The following TLE1 variants were observed in gnomAD, a reference collection of about 807,000 sequenced individuals.
The protein encoded by TLE1 is transducin-like enhancer protein 1.
TLE1 carries 21 observed loss-of-function variants against 89.8 expected under a neutral mutation model. The observed-to-expected ratio is 0.23, with a 90% CI of 0.17 to 0.34. The LOEUF (loss-of-function observed/expected upper bound fraction) is 0.34. TLE1 is among the 10% of genes least tolerant of loss of function. The probability of loss-of-function intolerance (pLI) is 1.00; values close to 1 mark genes in which losing one functional copy is unlikely to be tolerated. For missense variants in TLE1, 795 were observed against 1,031.2 expected (o/e 0.77, Z 3.14); for synonymous variants, 447 against 407.6 (o/e 1.10, Z -1.16).
chr9:81,617,385 T>C (rs920041499), intron 9 of TLE1, among the ~76,000 whole-genome samples: 1 of 152,204 alleles, frequency 6.6e-6, no homozygotes, highest in Non-Finnish European at 1.5e-5. Context: ...AAGGTAGCAC[T>C]GGGTTTGGAA....
rs74536663 is a variant in TLE1 at position 81,632,180 on chromosome 9, C to G, written c.594+1168G>C. 9.6e-3 allele frequency among the ~76,000 whole-genome samples: 1,464 copies of G among 152,212 alleles called. 25 individuals are homozygous for G. Among genetic ancestry groups the G allele is most frequent in the African/African-American group, 0.034 (1,394 of 41,532 alleles). On this transcript the variant is annotated intron_variant, in intron 8 of 19. Coordinates refer to ENST00000376499, the MANE Select transcript of TLE1 (RefSeq NM_005077.5). The stretch of plus-strand genomic sequence containing the variant: ...TAAAGCCAGTTTACTTATCTGTACT[C>G]TGTGTGTAGAATATTTTATTTCCCA...
intron 14 of TLE1, among the ~76,000 whole-genome samples, chr9:81,599,544 G>A (rs1830646246): frequency 6.6e-6 from 1 of 152,122 alleles, no homozygotes; most frequent in Non-Finnish European, 1.5e-5. Context: ...AACTAATAAA[G>A]GCGGTGGCTG....
At chr9:81,626,338 T>G (rs1466087852) in intron 8 of TLE1, among the ~76,000 whole-genome samples, 4 of 151,988 alleles carry the variant, frequency 2.6e-5, no homozygotes, top group African/African-American at 9.7e-5. Flanking sequence ...AACAATTAGG[T>G]AACGACGCAC....
chr9:81,586,634 G>T (rs547866939), intron 17 of TLE1, among the ~76,000 whole-genome samples: 5 of 152,304 alleles, frequency 3.3e-5, no homozygotes, highest in African/African-American at 1.2e-4. Flanking sequence ...AAATAATCCA[G>T]TGTCTGGGGG....
intron 6 of TLE1, among the ~76,000 whole-genome samples, chr9:81,650,126 C>A (rs1829362534): frequency 6.6e-6 from 1 of 152,166 alleles, no homozygotes. Context: ...ATAATAACCT[C>A]CACAACATTT....
At position 81,644,192 on chromosome 9, in the gene TLE1, A is replaced by G. The variant is rs75189294; in HGVS notation, c.372+8022T>C. Reference sequence around the variant, plus strand: ...TGGAAAACAGTCTGGCTGTTGCTCAAAAAGTTACCATAGACCCAGTGATTC... The same window carrying G: ...TGGAAAACAGTCTGGCTGTTGCTCAGAAAGTTACCATAGACCCAGTGATTC... On this transcript the variant is annotated intron_variant, in intron 6 of 19. Coordinates refer to ENST00000376499, the MANE Select transcript of TLE1 (RefSeq NM_005077.5). 2.6e-3 allele frequency among the ~76,000 whole-genome samples: 390 copies of G among 152,308 alleles called. 3 individuals carry two copies. The highest frequency in any genetic ancestry group is 8.9e-3 in the African/African-American group (368 of 41,564).
chr9:81,634,297 T>C lies in TLE1; in HGVS notation c.377A>G (p.Gln126Arg). The C allele has an allele frequency of 6.6e-7, 1 of 1,520,788 alleles. No individual in the cohort carries two copies. The highest frequency in any genetic ancestry group is 8.9e-7 in the Non-Finnish European group (1 of 1,123,992). The allele number at this position is 1,520,788 out of a possible 1,614,324, so 94.2% of individuals were successfully genotyped here. ...MAELNAIIGQ[Q>R]QLQAQHLSHG... ...AGAAAGATGCTGAGCTTGCAACTGC[T>C]GCTGCTGTTGGTGGTGGTGGTGAGA... The change falls in exon 7 of 20, where the codon CAG becomes CGG. Residue 126 changes from glutamine to arginine, a missense_variant. By Grantham distance (43) the Gln-to-Arg change is conservative. Transcript: ENST00000376499.
chr9:81,617,502 G>C (rs1210268776), intron 9 of TLE1, among the ~76,000 whole-genome samples: 1 of 151,888 alleles, frequency 6.6e-6, no homozygotes, highest in African/African-American at 2.4e-5. Flanking sequence ...AGGAGTTCAA[G>C]ACCAGCCTGG....
At chr9:81,674,436 T>C (rs1282227146) in intron 4 of TLE1, among the ~76,000 whole-genome samples, 3 of 152,152 alleles carry the variant, frequency 2.0e-5, no homozygotes, top group African/African-American at 4.8e-5. Flanking sequence ...TTCCACACAC[T>C]GGGGTCCTCA....
chr9:81,672,935 T>C (rs1588210773), intron 4 of TLE1, among the ~76,000 whole-genome samples: 1 of 152,184 alleles, frequency 6.6e-6, no homozygotes, highest in East Asian at 1.9e-4. Flanking sequence ...CAAGGACACA[T>C]TCTGCTGTTT....
chr9:81,590,027 C>T (rs946921068), intron 16 of TLE1, among the ~76,000 whole-genome samples: 1 of 152,110 alleles, frequency 6.6e-6, no homozygotes, highest in Non-Finnish European at 1.5e-5. Flanking sequence ...ACTTACCAAA[C>T]AAGCCACAGA....
chr9:81,639,588 G>GTTT (rs374444332), intron 6 of TLE1, among the ~76,000 whole-genome samples: 5 of 123,448 alleles, frequency 4.1e-5, no homozygotes, highest in African/African-American at 6.0e-5. Context: ...TTTTTTTTTT[G>GTTT]TTTTTTTTTT....
Position 81,585,507 on chromosome 9 carries a change from C to G in TLE1, c.2126G>C (p.Cys709Ser). 1 of 1,613,200 alleles carries G rather than the reference C, an allele frequency of 6.2e-7. No individual in the cohort carries two copies. The highest frequency in any genetic ancestry group is 8.5e-7 in the Non-Finnish European group (1 of 1,179,672). ...SCVLSLKFAY[C>S]GKWFVSTGKD... ...AGTTTCCTTTCGGCTGAACTCACCA[C>G]AGTAAGCAAATTTCAGGGACAGCAC... The change falls in exon 18 of 20, where the codon TGT becomes TCT. Residue 709 changes from cysteine to serine, a missense_variant and splice_region_variant. Cys to Ser is a moderately radical substitution (Grantham distance 112). Transcript: ENST00000376499.
intron 14 of TLE1, among the ~76,000 whole-genome samples, chr9:81,594,524 C>A (rs1829960485): frequency 6.6e-6 from 1 of 150,842 alleles, no homozygotes; most frequent in African/African-American, 2.4e-5. Context: ...GCCTAGGCGA[C>A]AAGAGCAAGA....
chr9:81,660,815 G>A (rs1248386200), intron 4 of TLE1, among the ~76,000 whole-genome samples: 2 of 151,290 alleles, frequency 1.3e-5, no homozygotes, highest in Non-Finnish European at 2.9e-5. Flanking sequence ...TTCAAGATAT[G>A]GCCGGGCGTG....
intron 8 of TLE1, among the ~76,000 whole-genome samples, chr9:81,628,434 T>C (rs1008113002): frequency 6.6e-6 from 1 of 151,506 alleles, no homozygotes; most frequent in African/African-American, 2.4e-5. Context: ...GTGATTTTTC[T>C]TTTTTTTTCC....
chr9:81,595,919 G>A (rs1830143244), intron 14 of TLE1, among the ~76,000 whole-genome samples: 1 of 152,188 alleles, frequency 6.6e-6, no homozygotes, highest in South Asian at 2.1e-4. Context: ...AAAGATCTCG[G>A]TGCCATGAGA....
In TLE1 at chr9:81,611,775, G is replaced by C; in HGVS notation, c.1248C>G (p.Ser416=). ...AAAAVVAYGR[S]PMVGFDPPPH... ...CCACCCGACAGCGGCCTACCATGGGGGAGCGCCCGTAGGCCACCACGGCGG... is the reference window on the plus strand; with the variant it reads ...CCACCCGACAGCGGCCTACCATGGGCGAGCGCCCGTAGGCCACCACGGCGG... Residue 416 remains serine, a synonymous_variant, in exon 13 of 20, where the codon TCC becomes TCG. Transcript: ENST00000376499. The C allele has an allele frequency of 6.5e-7, 1 of 1,529,738 alleles. No individual in the cohort carries two copies. Among genetic ancestry groups the C allele is most frequent in the South Asian group, 1.3e-5 (1 of 79,372 alleles). 94.8% of individuals were successfully genotyped at this position (1,529,738 alleles called of 1,614,324 possible). A position where few individuals can be genotyped will look rare whatever the true frequency, so the allele number is the denominator to read the frequency against.
intron 8 of TLE1, among the ~76,000 whole-genome samples, chr9:81,624,945 A>G (rs7041427): frequency 0.52 from 78,952 of 151,914 alleles, 21,389 homozygotes; most frequent in East Asian, 0.91. Flanking sequence ...CTACACCTAC[A>G]TATGGCATAC....
Sources: allele counts gnomAD v4.1 joint callset (sites outside exome capture counted in the v4.1 genomes callset), GRCh38; gene constraint gnomAD v4.1.1; transcripts MANE v1.5; gene names NCBI Gene and HGNC (gene_info 2026-07-23, HGNC 2026-07-21).